ADGRV1: variants seen among roughly 807,000 people sequenced by gnomAD.
The protein encoded by ADGRV1 is adhesion G protein-coupled receptor V1.
In ADGRV1, 359 loss-of-function variants were observed where a neutral mutation model predicts 596.2. The ratio of observed to expected loss-of-function variants is 0.60; its 90% CI spans 0.55 to 0.66. The LOEUF is 0.66. Ranked by LOEUF, ADGRV1 falls within the 30% of genes least tolerant of loss-of-function variation. The pLI is 0.00. For synonymous variants in ADGRV1, 2,681 were observed against 2,679.2 expected (o/e 1.00, Z -0.02); for missense variants, 7,274 against 7,575.6 (o/e 0.96, Z 1.48).
intron 87 of ADGRV1, among the ~76,000 whole-genome samples, chr5:91,123,351 G>T (rs1793486450): frequency 6.6e-6 from 1 of 152,116 alleles, no homozygotes; most frequent in Non-Finnish European, 1.5e-5. Flanking sequence ...TGGAGGCTGG[G>T]ACGTCCAAGA....
chr5:91,009,421 T>C (rs114503753), intron 85 of ADGRV1, among the ~76,000 whole-genome samples: 2,495 of 152,204 alleles, frequency 0.016, 26 homozygotes, highest in Non-Finnish European at 0.024. Context: ...ATAATACAGC[T>C]CTAGTGTGTT....
chr5:91,135,974 C>T (rs1794596927), intron 87 of ADGRV1, among the ~76,000 whole-genome samples: 1 of 152,080 alleles, frequency 6.6e-6, no homozygotes, highest in Non-Finnish European at 1.5e-5. Flanking sequence ...GCAGAGGGAA[C>T]CACAAGTCCA....
chr5:90,956,897 A>C (rs1368254576), intron 83 of ADGRV1, among the ~76,000 whole-genome samples: 1 of 152,186 alleles, frequency 6.6e-6, no homozygotes, highest in African/African-American at 2.4e-5. Flanking sequence ...CTGTAATGTT[A>C]AGATGCTATC....
At chr5:91,043,094 G>C (rs897071987) in intron 85 of ADGRV1, among the ~76,000 whole-genome samples, 2 of 152,150 alleles carry the variant, frequency 1.3e-5, no homozygotes, top group African/African-American at 4.8e-5. Flanking sequence ...ATCTGGGAAA[G>C]TCAGATGTAA....
intron 1 of ADGRV1, among the ~76,000 whole-genome samples, chr5:90,609,348 TA>T (rs1762470311): frequency 6.6e-6 from 1 of 151,928 alleles, no homozygotes; most frequent in African/African-American, 2.4e-5. Flanking sequence ...AAATTAAAAA[TA>T]AATAAAAATA....
chr5:91,124,620 C>T (rs1793595843), intron 87 of ADGRV1, among the ~76,000 whole-genome samples: 2 of 152,056 alleles, frequency 1.3e-5, no homozygotes, highest in Admixed American at 1.3e-4. Flanking sequence ...GTGAAGACCC[C>T]TGAAGTTAAC....
chr5:91,138,870 C>G (rs1051144632), intron 87 of ADGRV1, among the ~76,000 whole-genome samples: 5 of 151,640 alleles, frequency 3.3e-5, no homozygotes, highest in African/African-American at 1.2e-4. Flanking sequence ...CTCCTGGGTT[C>G]AAGCAATTCT....
intron 6 of ADGRV1, 73 bp from the exon 7 acceptor site, chr5:90,627,138 C>T: frequency 2.6e-6 from 2 of 782,110 alleles, no homozygotes; most frequent in Non-Finnish European, 3.9e-6. Context: ...AACATAATGA[C>T]TTGTTACACT....
At chr5:90,811,446 T>C in intron 74 of ADGRV1, 108 bp downstream of exon 74, 4 of 1,028,406 alleles carry the variant, frequency 3.9e-6, no homozygotes, top group Non-Finnish European at 5.5e-6. Context: ...TCTTAAGTTA[T>C]TCATAGGAAT....
chr5:91,053,978 C>T (rs1366448709), intron 85 of ADGRV1, among the ~76,000 whole-genome samples: 1 of 152,006 alleles, frequency 6.6e-6, no homozygotes, highest in Admixed American at 6.6e-5. Context: ...TTTCCGTTAG[C>T]ATAAGATCAA....
At chr5:90,772,369 T>C (rs1757786517) in intron 59 of ADGRV1, among the ~76,000 whole-genome samples, 1 of 152,210 alleles carries the variant, frequency 6.6e-6, no homozygotes, top group Non-Finnish European at 1.5e-5. Context: ...ACAAATGTTC[T>C]TTTTCCAGTC....
intron 1 of ADGRV1, among the ~76,000 whole-genome samples, chr5:90,596,319 C>T (rs554821449): frequency 1.0e-4 from 15 of 150,580 alleles, no homozygotes; most frequent in Non-Finnish European, 1.9e-4. Context: ...GGCAACCAGG[C>T]AGAGGGGCTC....
At chr5:90,848,115 T>TA (rs1766105090) in intron 78 of ADGRV1, among the ~76,000 whole-genome samples, 1 of 152,186 alleles carries the variant, frequency 6.6e-6, no homozygotes, top group Non-Finnish European at 1.5e-5. Context: ...GGGTCATACT[T>TA]ACTGAAAAAG....
At chr5:90,569,385 A>AT (rs1368094540) in intron 1 of ADGRV1, among the ~76,000 whole-genome samples, 23 of 16,488 alleles carry the variant, frequency 1.4e-3, no homozygotes, top group South Asian at 4.1e-3. Context: ...ATATATATAT[A>AT]TATTTTTTTT....
chr5:91,158,167 A>G (rs1318374079), intron 89 of ADGRV1, among the ~76,000 whole-genome samples: 1 of 152,208 alleles, frequency 6.6e-6, no homozygotes, highest in African/African-American at 2.4e-5. Flanking sequence ...TGTGACAATG[A>G]GCCACCAATT....
intron 21 of ADGRV1, among the ~76,000 whole-genome samples, chr5:90,665,865 T>C (rs1242157913): frequency 9.9e-5 from 15 of 150,776 alleles, no homozygotes; most frequent in African/African-American, 3.4e-4. Context: ...CTTCATTTCG[T>C]TATGTATCCA....
At chr5:90,925,157 A>G (rs1774300893) in intron 83 of ADGRV1, among the ~76,000 whole-genome samples, 1 of 152,102 alleles carries the variant, frequency 6.6e-6, no homozygotes, top group Admixed American at 6.5e-5. Flanking sequence ...GTTTTTTCCA[A>G]TTCTGTGAAG....
intron 89 of ADGRV1, among the ~76,000 whole-genome samples, chr5:91,156,616 G>A (rs1668949079): frequency 6.6e-6 from 1 of 152,152 alleles, no homozygotes; most frequent in Non-Finnish European, 1.5e-5. Context: ...ACTATGAAGT[G>A]CATTTGGTTC....
rs1768754747 is a variant in ADGRV1, at chr5:90,652,333, A to T, written c.3417-13A>T. The T allele has an allele frequency of 2.6e-6, 4 of 1,549,512 alleles. No homozygotes were observed. In the East Asian group the frequency reaches 9.1e-5, roughly 35 times the overall value. ...ATTCACTACTTATAAATTTTCTTTA[A>T]TTTATTTTGTAGGATTTTGAGGCAC... On this transcript the variant is annotated splice_polypyrimidine_tract_variant and intron_variant, in intron 18 of 89. Transcript: ENST00000405460.
Sources: gnomAD v4.1 joint callset for allele counts (sites outside exome capture counted in the v4.1 genomes callset) on GRCh38, gnomAD v4.1.1 for gene constraint, MANE v1.5 for transcripts, NCBI Gene and HGNC (gene_info 2026-07-23, HGNC 2026-07-21) for gene names.